Variants in CAMTA1 observed in about 807,000 individuals in gnomAD.
CAMTA1 encodes calmodulin binding transcription activator 1.
Under a neutral mutation model 170.9 loss-of-function variants are expected in CAMTA1, and 27 were observed. The ratio of observed to expected loss-of-function variants is 0.16; its 90% CI spans 0.12 to 0.22. The LOEUF (loss-of-function observed/expected upper bound fraction) is 0.22. Ranked by LOEUF, CAMTA1 falls within the 10% of genes least tolerant of loss-of-function variation. CAMTA1 has a pLI of 1.00. For synonymous variants in CAMTA1, 833 were observed against 891.5 expected (o/e 0.93, Z 1.17); for missense variants, 1,619 against 2,217.2 (o/e 0.73, Z 5.42).
intron 3 of CAMTA1, among the ~76,000 whole-genome samples, chr1:7,089,532 C>CCCCATCCCATCCCATCCCATCCCAT (rs3058551): frequency 1.7e-5 from 2 of 119,400 alleles, no homozygotes; most frequent in Admixed American, 8.9e-5. Flanking sequence ...TTTTTCCTAG[C>CCCCATCCCATCCCATCCCATCCCAT]CCCATCCCAT....
At chr1:7,103,971 GCA>G (rs1415556582) in intron 4 of CAMTA1, among the ~76,000 whole-genome samples, 2 of 141,592 alleles carry the variant, frequency 1.4e-5, no homozygotes, top group Non-Finnish European at 1.5e-5. Context: ...CTACACACAC[GCA>G]CACACAACAC....
intron 6 of CAMTA1, among the ~76,000 whole-genome samples, chr1:7,468,225 T>A (rs1229228724): frequency 6.6e-6 from 1 of 152,240 alleles, no homozygotes; most frequent in Non-Finnish European, 1.5e-5. Context: ...TATCCTGCCC[T>A]GAAATGCCTG....
chr1:7,537,178 C>T (rs12089447), intron 6 of CAMTA1, among the ~76,000 whole-genome samples: 10,461 of 152,236 alleles, frequency 0.069, 562 homozygotes, highest in East Asian at 0.28. Flanking sequence ...GCAGGAGGGA[C>T]GCATTGCCCC....
rs761114712 is a variant in CAMTA1 at position 7,640,562 on chromosome 1, C to G, written c.664+9C>G. On this transcript the variant is annotated intron_variant, in intron 7 of 22. Coordinates refer to ENST00000303635, the MANE Select transcript of CAMTA1 (RefSeq NM_015215.4). ...GCAGCTGAAACCCATGTGTGAGTGG[C>G]CTTGGCCGGCCTGGCGCCCCCACGC... 6.2e-7 allele frequency: 1 copy of G among 1,613,928 alleles called. No homozygotes were observed. The highest frequency in any genetic ancestry group is 8.5e-7 in the Non-Finnish European group (1 of 1,179,942).
intron 5 of CAMTA1, among the ~76,000 whole-genome samples, chr1:7,279,026 G>C (rs1238851221): frequency 6.6e-6 from 1 of 152,120 alleles, no homozygotes; most frequent in Non-Finnish European, 1.5e-5. Flanking sequence ...TGGGGGAAAG[G>C]GATATGCAAA....
intron 3 of CAMTA1, among the ~76,000 whole-genome samples, chr1:7,076,840 G>A (rs1418592350): frequency 6.6e-6 from 1 of 152,170 alleles, no homozygotes; most frequent in Non-Finnish European, 1.5e-5. Context: ...CTTCAAAGCA[G>A]GGTAGAACAA....
chr1:7,184,508 CAAAAATT>C (rs1356054560), intron 4 of CAMTA1, among the ~76,000 whole-genome samples: 2 of 151,422 alleles, frequency 1.3e-5, no homozygotes, highest in African/African-American at 4.9e-5. Context: ...TATGTACCCA[CAAAAATT>C]AAAAATTAAA....
chr1:7,434,820 C>G (rs538776173), intron 5 of CAMTA1, among the ~76,000 whole-genome samples: 106 of 149,928 alleles, frequency 7.1e-4, no homozygotes, highest in African/African-American at 2.4e-3. Flanking sequence ...GCAGGCTGAT[C>G]GCTTAAGCTC....
At chr1:7,139,697 T>G (rs1457065046) in intron 4 of CAMTA1, among the ~76,000 whole-genome samples, 1 of 152,206 alleles carries the variant, frequency 6.6e-6, no homozygotes, top group Non-Finnish European at 1.5e-5. Flanking sequence ...GTGTGTCTTT[T>G]GTAGTCTTGT....
chr1:7,440,564 G>C (rs567531687), intron 5 of CAMTA1, among the ~76,000 whole-genome samples: 14 of 152,364 alleles, frequency 9.2e-5, no homozygotes, highest in African/African-American at 3.1e-4. Context: ...ATCACAAACA[G>C]CATGAGACGC....
intron 4 of CAMTA1, among the ~76,000 whole-genome samples, chr1:7,099,217 A>C (rs927552974): frequency 6.6e-6 from 1 of 151,954 alleles, no homozygotes; most frequent in African/African-American, 2.4e-5. Flanking sequence ...CTCCTGGCTA[A>C]TTTTTGTATT....
At chr1:7,657,869 C>G (rs1264723412) in intron 7 of CAMTA1, among the ~76,000 whole-genome samples, 1 of 152,064 alleles carries the variant, frequency 6.6e-6, no homozygotes, top group African/African-American at 2.4e-5. Context: ...TGCTTGCAAT[C>G]TGTCACCCTT....
chr1:7,260,256 G>A (rs563229554), intron 5 of CAMTA1, among the ~76,000 whole-genome samples: 3 of 152,190 alleles, frequency 2.0e-5, no homozygotes, highest in Non-Finnish European at 4.4e-5. Context: ...GGTGCTCTGT[G>A]TATGTCCTGC....
At chr1:7,270,230 TAC>T (rs1272841719) in intron 5 of CAMTA1, among the ~76,000 whole-genome samples, 1 of 91,182 alleles carries the variant, frequency 1.1e-5, no homozygotes, top group Non-Finnish European at 2.0e-5. Context: ...TACATATATA[TAC>T]ACATATATAC....
intron 3 of CAMTA1, among the ~76,000 whole-genome samples, chr1:6,906,247 C>T (rs1400944862): frequency 6.6e-6 from 1 of 152,100 alleles, no homozygotes; most frequent in East Asian, 1.9e-4. Context: ...GGGAGAAACC[C>T]CCTGCCAAGG....
At chr1:6,919,882 G>A (rs576439212) in intron 3 of CAMTA1, among the ~76,000 whole-genome samples, 16 of 151,938 alleles carry the variant, frequency 1.1e-4, no homozygotes, top group African/African-American at 3.1e-4. Flanking sequence ...CCCTAATTCA[G>A]TCATCTCCCA....
intron 4 of CAMTA1, among the ~76,000 whole-genome samples, chr1:7,238,691 C>G (rs541317125): frequency 6.6e-6 from 1 of 152,320 alleles, no homozygotes; most frequent in Admixed American, 6.5e-5. Context: ...CAAGACCAGC[C>G]TGACCAACAT....
At position 7,642,322 on chromosome 1, in the gene CAMTA1, C is replaced by T. The variant is rs574166049; in HGVS notation, c.664+1769C>T. Among the ~76,000 whole-genome samples, 4 of 152,180 alleles carry T rather than the reference C, an allele frequency of 2.6e-5. No homozygotes were observed. The highest frequency in any genetic ancestry group is 5.9e-5 in the Non-Finnish European group (4 of 68,028). ...GTGTGCACAAGGCCCTGGAAATAGC[C>T]CTGGAATGGTGGGGGGGAAGGGACC... On this transcript the variant is annotated intron_variant, in intron 7 of 22. Coordinates refer to ENST00000303635, the MANE Select transcript of CAMTA1 (RefSeq NM_015215.4). The surrounding 1 kb of genome is among the most constrained non-coding windows in gnomAD (Gnocchi z 6.3).
intron 3 of CAMTA1, among the ~76,000 whole-genome samples, chr1:6,990,022 A>G (rs1474194466): frequency 6.6e-6 from 1 of 152,092 alleles, no homozygotes; most frequent in Non-Finnish European, 1.5e-5. Flanking sequence ...CTTCCCTGGA[A>G]AGCTCACCCA....
Sources: allele counts gnomAD v4.1 joint callset (sites outside exome capture counted in the v4.1 genomes callset), GRCh38; gene constraint gnomAD v4.1.1; non-coding constraint Gnocchi (gnomAD v3.1); transcripts MANE v1.5; gene names NCBI Gene and HGNC (gene_info 2026-07-23, HGNC 2026-07-21).